Variants in DISC1 observed in about 807,000 individuals in gnomAD.
DISC1 encodes disrupted in schizophrenia 1 protein.
In DISC1, 57 loss-of-function variants were observed where a neutral mutation model predicts 84.5. That is an observed-to-expected ratio of 0.67 (90% CI 0.55 to 0.84). The LOEUF is 0.84. Ranked by LOEUF, DISC1 falls within the 40% of genes least tolerant of loss-of-function variation. The pLI, the probability that DISC1 is intolerant of heterozygous loss-of-function variation, is 0.00. For synonymous variants in DISC1, 411 were observed against 415.2 expected (o/e 0.99, Z 0.12); for missense variants, 1,000 against 1,057.8 (o/e 0.95, Z 0.76).
At chr1:231,983,077 C>T (rs1469777050) in intron 10 of DISC1, among the ~76,000 whole-genome samples, 1 of 152,104 alleles carries the variant, frequency 6.6e-6, no homozygotes, top group Admixed American at 6.5e-5. Flanking sequence ...AAGACCAGAC[C>T]TGGTTAGAGA....
intron 9 of DISC1, among the ~76,000 whole-genome samples, chr1:231,894,383 A>G (rs965289684): frequency 6.6e-6 from 1 of 152,214 alleles, no homozygotes; most frequent in Non-Finnish European, 1.5e-5. Context: ...TTAAGAAAAT[A>G]TTACAGATAC....
chr1:232,026,552 C>G lies in DISC1; in HGVS notation c.2425C>G (p.Gln809Glu), dbSNP rs765507960. Reference protein sequence around the residue: ...AIHSHDEDLIQSLRRELQMVK... With the variant: ...AIHSHDEDLIESLRRELQMVK... ...CCACAGTCATGATGAAGATCTCATT[C>G]ATATCCTTTTCATCTTGCAGATGAA... The change falls in exon 12 of 13, where the codon CAG (glutamine) becomes GAG (glutamate). Residue 809 changes from glutamine (Q) to glutamate (E), a missense_variant and splice_region_variant. Coordinates refer to ENST00000439617, the MANE Select transcript of DISC1 (RefSeq NM_018662.3). 1 of 1,591,438 alleles carries G rather than the reference C, an allele frequency of 6.3e-7. No homozygotes were observed. Among genetic ancestry groups the G allele is most frequent in the Non-Finnish European group, 8.6e-7 (1 of 1,165,438 alleles).
chr1:231,655,678 G>C (rs186397003), intron 1 of DISC1, among the ~76,000 whole-genome samples: 17 of 152,242 alleles, frequency 1.1e-4, no homozygotes, highest in African/African-American at 3.4e-4. Context: ...TCTCCATACT[G>C]TTTTCCATAG....
intron 3 of DISC1, among the ~76,000 whole-genome samples, chr1:231,745,863 A>G (rs1342354347): frequency 1.3e-5 from 2 of 152,070 alleles, no homozygotes; most frequent in African/African-American, 4.8e-5. Flanking sequence ...CATGGGGTGG[A>G]TCCCTCGAGA....
At chr1:231,984,200 T>G (rs1239551241) in intron 10 of DISC1, among the ~76,000 whole-genome samples, 1 of 152,198 alleles carries the variant, frequency 6.6e-6, no homozygotes, top group African/African-American at 2.4e-5. Flanking sequence ...GCCACCTCTA[T>G]TTTACAGATT....
In DISC1 at chr1:231,829,119, A is replaced by T. The variant is rs561505073; in HGVS notation, c.1981+10602A>T. ...GAGGTGTTTAATGATTATTTCATGA[A>T]TTTTTTCTGAAGATAAAGTGCCAAG... On this transcript the variant is annotated intron_variant, in intron 9 of 12. Coordinates refer to ENST00000439617, the MANE Select transcript of DISC1 (RefSeq NM_018662.3). Among the ~76,000 whole-genome samples the T allele has an allele frequency of 5.3e-4, 81 of 152,196 alleles. 1 individual carries two copies. In the South Asian group the frequency reaches 0.016, roughly 30 times the overall value.
intron 9 of DISC1, 183 bp downstream of exon 9, chr1:231,818,700 G>T: frequency 7.0e-7 from 1 of 1,427,554 alleles, no homozygotes; most frequent in South Asian, 1.6e-5. Flanking sequence ...TTACTTGTCA[G>T]CTTTTGTTTT....
At position 231,747,649 on chromosome 1, in the gene DISC1, GT is replaced by G. The variant is rs574950356; in HGVS notation, c.1118-2273del. ...TCTAATTTTATGCCAGTACCATGTT[GT>G]TTTGGTTACTACAGCTTTGTAGTAT... On this transcript the variant is annotated intron_variant, in intron 3 of 12. Coordinates refer to ENST00000439617, the MANE Select transcript of DISC1 (RefSeq NM_018662.3). Among the ~76,000 whole-genome samples, 12 of 152,262 alleles carry G rather than the reference GT, an allele frequency of 7.9e-5. No homozygotes were observed. The South Asian group carries it at 2.5e-3, about 32-fold the overall frequency.
intron 3 of DISC1, among the ~76,000 whole-genome samples, chr1:231,741,678 T>C (rs1211612835): frequency 6.6e-6 from 1 of 152,078 alleles, no homozygotes; most frequent in Non-Finnish European, 1.5e-5. Context: ...CCGGAGGAGA[T>C]ACTGGGATCT....
At chr1:231,732,795 G>A (rs547033454) in intron 3 of DISC1, among the ~76,000 whole-genome samples, 5 of 152,372 alleles carry the variant, frequency 3.3e-5, no homozygotes, top group African/African-American at 1.2e-4. Context: ...TAGGAGCCAC[G>A]ATAGTAGTAT....
intron 10 of DISC1, among the ~76,000 whole-genome samples, chr1:231,990,304 T>C (rs953800282): frequency 3.3e-5 from 5 of 151,848 alleles, no homozygotes; most frequent in African/African-American, 1.2e-4. Context: ...CTAAAGGTCT[T>C]GGAAAGACAC....
intron 6 of DISC1, among the ~76,000 whole-genome samples, chr1:231,775,194 CTGTT>C (rs1364800787): frequency 6.6e-6 from 1 of 152,206 alleles, no homozygotes; most frequent in East Asian, 1.9e-4. Flanking sequence ...AGGGTGCTGT[CTGTT>C]TGTAATTTAC....
At chr1:231,747,685 T>C (rs567165277) in intron 3 of DISC1, among the ~76,000 whole-genome samples, 1 of 152,310 alleles carries the variant, frequency 6.6e-6, no homozygotes, top group Non-Finnish European at 1.5e-5. Context: ...TATTTTGAGG[T>C]CTGGTAGTGT....
intron 9 of DISC1, among the ~76,000 whole-genome samples, chr1:231,840,869 A>C (rs1381450115): frequency 6.6e-6 from 1 of 152,170 alleles, no homozygotes; most frequent in African/African-American, 2.4e-5. Context: ...TACAAGTTAC[A>C]GCCCATAGAA....
chr1:231,970,206 A>T (rs1056642765), intron 10 of DISC1, among the ~76,000 whole-genome samples: 3 of 152,224 alleles, frequency 2.0e-5, no homozygotes, highest in Non-Finnish European at 4.4e-5. Flanking sequence ...ACTAGTTTAC[A>T]GTCCCACCAA....
chr1:231,854,002 T>G (rs146099083), intron 9 of DISC1, among the ~76,000 whole-genome samples: 359 of 152,326 alleles, frequency 2.4e-3, no homozygotes, highest in African/African-American at 8.1e-3. Flanking sequence ...AGCAATCTCC[T>G]AGACGAAGGG....
chr1:231,699,755 G>C (rs1277667594), intron 2 of DISC1, among the ~76,000 whole-genome samples: 1 of 152,214 alleles, frequency 6.6e-6, no homozygotes, highest in Non-Finnish European at 1.5e-5. Flanking sequence ...ACTCTCCAGT[G>C]GCGCCCCATG....
chr1:231,870,707 C>G (rs1349417530), intron 9 of DISC1, among the ~76,000 whole-genome samples: 1 of 152,178 alleles, frequency 6.6e-6, no homozygotes, highest in African/African-American at 2.4e-5. Flanking sequence ...GAATGATAGA[C>G]ATATCTTCAC....
intron 9 of DISC1, among the ~76,000 whole-genome samples, chr1:231,853,726 C>G (rs185006321): frequency 6.6e-6 from 1 of 152,306 alleles, no homozygotes; most frequent in Admixed American, 6.5e-5. Context: ...ACTTGCCACA[C>G]AGAGCAGTAG....
Sources: allele counts gnomAD v4.1 joint callset (sites outside exome capture counted in the v4.1 genomes callset), GRCh38; gene constraint gnomAD v4.1.1; transcripts MANE v1.5; gene names NCBI Gene and HGNC (gene_info 2026-07-23, HGNC 2026-07-21).